FAM186A: variants seen among roughly 807,000 people sequenced by gnomAD.
FAM186A encodes the protein protein FAM186A.
Under a neutral mutation model 216.8 loss-of-function variants are expected in FAM186A, and 163 were observed. The observed-to-expected ratio is 0.75, with a 90% CI of 0.66 to 0.86. FAM186A has a LOEUF of 0.86. Ranked by LOEUF, FAM186A falls within the 40% of genes least tolerant of loss-of-function variation. FAM186A has a pLI of 0.00. For missense variants in FAM186A, 2,184 were observed against 2,746.2 expected (o/e 0.80, Z 4.58); for synonymous variants, 805 against 1,025.3 (o/e 0.79, Z 4.10).
At chr12:50,339,585 T>C (rs1190806348) in intron 4 of FAM186A, among the ~76,000 whole-genome samples, 1 of 152,212 alleles carries the variant, frequency 6.6e-6, no homozygotes, top group African/African-American at 2.4e-5. Flanking sequence ...CTAAGAATTC[T>C]TTAGTTATCC....
chr12:50,361,017 C>T lies in FAM186A; in HGVS notation c.413-91G>A, dbSNP rs1405240731. The T allele has an allele frequency of 2.1e-5, 19 of 916,322 alleles. No individual in the cohort carries two copies. In the East Asian group the frequency reaches 4.2e-4, roughly 20 times the overall value. 56.8% of individuals were successfully genotyped at this position (916,322 alleles called of 1,614,324 possible). On this transcript the variant is annotated intron_variant, in intron 2 of 7. Coordinates refer to ENST00000327337, the MANE Select transcript of FAM186A (RefSeq NM_001145475.3). ...TATAATATTGGGTAACTACTCAATA[C>T]AGTAATATTGGGGAATATAGGTATC...
chr12:50,388,619 C>CA (rs1260633038), intron 1 of FAM186A, among the ~76,000 whole-genome samples: 16,340 of 92,492 alleles, frequency 0.18, 1,547 homozygotes, highest in African/African-American at 0.35. Context: ...AACTCCGTCT[C>CA]AAAAAAAAAA....
Position 50,355,446 on chromosome 12 carries a change from G to A in FAM186A, c.1386C>T (p.His462=). The change falls in exon 4 of 8, where the codon CAC becomes CAT. Residue 462 remains histidine (H), a synonymous_variant. Transcript: ENST00000327337. ...TDEYQSWKRS[H]KKATYVYETS... ...TCTCATATACATATGTGGCTTTTTT[G>A]TGGCTTCTTTTCCATGATTGATACT... The A allele has an allele frequency of 1.3e-6, 2 of 1,550,800 alleles. No homozygotes were observed. Among genetic ancestry groups the A allele is most frequent in the Non-Finnish European group, 1.7e-6 (2 of 1,146,832 alleles).
intron 5 of FAM186A, among the ~76,000 whole-genome samples, chr12:50,332,764 C>T (rs113678677): frequency 5.3e-5 from 8 of 152,224 alleles, no homozygotes; most frequent in African/African-American, 1.7e-4. Flanking sequence ...CACGGTGGCT[C>T]AAGCCTCTAT....
chr12:50,347,507 G>A (rs976854332), intron 4 of FAM186A, among the ~76,000 whole-genome samples: 8 of 151,944 alleles, frequency 5.3e-5, no homozygotes, highest in African/African-American at 1.9e-4. Context: ...GAGGCAGGTG[G>A]ACCACCTGAG....
In FAM186A at chr12:50,333,961, C is replaced by G. The variant is rs180960919; in HGVS notation, c.6646G>C (p.Gly2216Arg). ...TTCAGGCACTGATTCCGTTTCTGCC[C>G]TAGAGACTTCTGCTTCTCAGTCCAG... ...QVWTEKQKSL[G>R]QKRNQCLKKM... Residue 2216 changes from glycine to arginine, a missense_variant, in exon 5 of 8, where the codon GGG (glycine) becomes CGG (arginine). Transcript: ENST00000327337. 7 of 1,551,638 alleles carry G rather than the reference C, an allele frequency of 4.5e-6. No homozygotes were observed. In the African/African-American group the frequency reaches 5.5e-5, roughly 12 times the overall value.
At chr12:50,346,237 A>AAAAGAAAGAAAGAAAGAAAG (rs1555215380) in intron 4 of FAM186A, among the ~76,000 whole-genome samples, 6 of 102,180 alleles carry the variant, frequency 5.9e-5, no homozygotes, top group African/African-American at 6.8e-5. Context: ...AAGAAAGAAA[A>AAAAGAAAGAAAGAAAGAAAG]AAAGAAAGAA....
intron 1 of FAM186A, among the ~76,000 whole-genome samples, chr12:50,364,514 C>T (rs1045211753): frequency 6.6e-5 from 10 of 151,292 alleles, no homozygotes; most frequent in East Asian, 1.9e-4. Flanking sequence ...GCCGAGATCA[C>T]GCCACTGCAC....
chr12:50,355,533 G>T lies in FAM186A; in HGVS notation c.1299C>A (p.Asp433Glu). ...TCAATGATACGTTATCTTTAGTGCT[G>T]TCTTCGGAAATATCTTCAGAAGCAA... ...QPVASEDISE[D>E]STKDNVSLKK... Residue 433 changes from aspartate to glutamate, a missense_variant, in exon 4 of 8, where the codon GAC becomes GAA. Physicochemically the swap from Asp to Glu is conservative, Grantham distance 45. Around this residue, in one of 7 missense-constraint regions of FAM186A, gnomAD observed 1,132 missense variants for 1,263.4 expected, o/e 0.90. Transcript: ENST00000327337. The T allele has an allele frequency of 6.4e-7, 1 of 1,551,442 alleles. No homozygotes were observed.
intron 1 of FAM186A, among the ~76,000 whole-genome samples, chr12:50,395,765 C>CT (rs995592938): frequency 6.9e-4 from 101 of 146,040 alleles, no homozygotes; most frequent in East Asian, 4.2e-3. Context: ...CAAATGAAAA[C>CT]TTTTTTTTTT....
rs1395546601 is a variant in FAM186A at position 50,355,524 on chromosome 12, T to C, written c.1308A>G (p.Lys436=). The change falls in exon 4 of 8, where the codon AAA becomes AAG. Residue 436 remains lysine (K), a synonymous_variant. Coordinates refer to ENST00000327337, the MANE Select transcript of FAM186A (RefSeq NM_001145475.3). ...ASEDISEDST[K]DNVSLKKGDF... ...CACCTTTCTTCAATGATACGTTATC[T>C]TTAGTGCTGTCTTCGGAAATATCTT... is the stretch of plus-strand genomic sequence containing the variant. 1 of 1,551,528 alleles carries C rather than the reference T, an allele frequency of 6.4e-7. No individual in the cohort carries two copies. The highest frequency in any genetic ancestry group is 2.0e-5 in the Admixed American group (1 of 50,986).
At chr12:50,368,269 T>C (rs2136100017) in intron 1 of FAM186A, among the ~76,000 whole-genome samples, 1 of 151,924 alleles carries the variant, frequency 6.6e-6, no homozygotes, top group South Asian at 2.1e-4. Context: ...AGCATGGTGG[T>C]GGGCATTTAT....
chr12:50,362,433 T>C lies in FAM186A; in HGVS notation c.412+712A>G, dbSNP rs182143793. Among the ~76,000 whole-genome samples the C allele has an allele frequency of 2.6e-4, 40 of 152,162 alleles. 1 individual carries two copies. Among genetic ancestry groups the C allele is most frequent in the Admixed American group, 1.7e-3 (26 of 15,248 alleles). On this transcript the variant is annotated intron_variant, in intron 2 of 7. Transcript: ENST00000327337. ...GTTAATTATATAGGAAGTCAGATACTAATGCTATAGACAAAAATAAAGAAA... is the reference window on the plus strand; with the variant it reads ...GTTAATTATATAGGAAGTCAGATACCAATGCTATAGACAAAAATAAAGAAA...
At position 50,351,601 on chromosome 12, in the gene FAM186A, G is replaced by A. The variant is rs1942881743; in HGVS notation, c.5231C>T (p.Ala1744Val). The change falls in exon 4 of 8, where the codon GCT (alanine) becomes GTT (valine). Residue 1744 changes from alanine to valine, a missense_variant. Around this residue, in one of 7 missense-constraint regions of FAM186A, gnomAD observed 721 missense variants for 816.4 expected, o/e 0.88. Transcript: ENST00000327337. ...TATAGAGGACTTCTCAGCAGTAGGA[G>A]CTGATGATGCCAGGGACAGCCTAAG... ...PSLRLSLASS[A>V]PTAEKSSIFG... The A allele has an allele frequency of 3.2e-6, 5 of 1,551,348 alleles. No homozygotes were observed. Among genetic ancestry groups the A allele is most frequent in the Non-Finnish European group, 4.4e-6 (5 of 1,146,846 alleles).
At chr12:50,338,757 G>GCCCTATT (rs1942735480) in intron 4 of FAM186A, among the ~76,000 whole-genome samples, 2 of 152,106 alleles carry the variant, frequency 1.3e-5, no homozygotes, top group South Asian at 4.1e-4. Context: ...ATTATTAGCT[G>GCCCTATT]TGTGATTTGG....
At chr12:50,375,071 G>A (rs1200638600) in intron 1 of FAM186A, among the ~76,000 whole-genome samples, 4 of 152,104 alleles carry the variant, frequency 2.6e-5, no homozygotes, top group Non-Finnish European at 5.9e-5. Context: ...CCATCTACCT[G>A]GGAGGCTGAG....
chr12:50,343,241 GTGT>G (rs1313541345), intron 4 of FAM186A, among the ~76,000 whole-genome samples: 2 of 151,888 alleles, frequency 1.3e-5, no homozygotes, highest in East Asian at 3.9e-4. Context: ...GGGGCCCCAT[GTGT>G]TGTTCAGGCT....
intron 3 of FAM186A, among the ~76,000 whole-genome samples, chr12:50,359,967 T>C (rs1053797748): frequency 2.6e-5 from 4 of 152,128 alleles, no homozygotes; most frequent in African/African-American, 7.2e-5. Context: ...GTTGGCCGGG[T>C]GCTGTGACTC....
chr12:50,387,360 T>C (rs1943313709), intron 1 of FAM186A, among the ~76,000 whole-genome samples: 3 of 152,242 alleles, frequency 2.0e-5, no homozygotes, highest in Admixed American at 6.5e-5. Flanking sequence ...CTGAAGCAGC[T>C]ACATTGTCTC....
Sources: gnomAD v4.1 joint callset for allele counts (sites outside exome capture counted in the v4.1 genomes callset) on GRCh38, gnomAD v4.1.1 for gene constraint, gnomAD v4.1.1 regional missense constraint, MANE v1.5 for transcripts, NCBI Gene and HGNC (gene_info 2026-07-23, HGNC 2026-07-21) for gene names.